NUP98: variants seen among roughly 807,000 people sequenced by gnomAD.
NUP98 encodes the protein nucleoporin 98 and 96 precursor.
Under a neutral mutation model 191.9 loss-of-function variants are expected in NUP98, and 26 were observed. The observed-to-expected ratio is 0.14, with a 90% CI of 0.10 to 0.19. The LOEUF is 0.19. Among genes scored for constraint, NUP98 ranks in the 10% least tolerant of loss-of-function variants. The probability of loss-of-function intolerance (pLI) is 1.00; values close to 1 mark genes in which losing one functional copy is unlikely to be tolerated. For synonymous variants in NUP98, 808 were observed against 778.4 expected (o/e 1.04, Z -0.63); for missense variants, 1,941 against 2,178.8 (o/e 0.89, Z 2.17).
At position 3,797,527 on chromosome 11, in the gene NUP98, G is replaced by A. The variant is rs776800889; in HGVS notation, c.-156C>T. ...CACCCCTGCCACCGACCGCCGCTTCGGGCGCAGCGCGCAGAGGGCCCGACT... is the reference window on the plus strand; with the variant it reads ...CACCCCTGCCACCGACCGCCGCTTCAGGCGCAGCGCGCAGAGGGCCCGACT... On this transcript the variant is annotated 5_prime_UTR_variant, in exon 1 of 33. Transcript: ENST00000324932. 11 of 439,902 alleles carry A rather than the reference G, an allele frequency of 2.5e-5. No individual in the cohort carries two copies. The highest frequency in any genetic ancestry group is 4.4e-5 in the Non-Finnish European group (11 of 250,270). 27.2% of individuals were successfully genotyped at this position (439,902 alleles called of 1,614,324 possible).
intron 12 of NUP98, among the ~76,000 whole-genome samples, chr11:3,737,825 C>T (rs1403147769): frequency 6.6e-6 from 1 of 151,764 alleles, no homozygotes; most frequent in East Asian, 1.9e-4. Context: ...CAGAGTAAAT[C>T]ATCTGTATTC....
intron 20 of NUP98, among the ~76,000 whole-genome samples, chr11:3,711,005 C>T (rs2079010420): frequency 6.6e-6 from 1 of 151,874 alleles, no homozygotes; most frequent in Non-Finnish European, 1.5e-5. Flanking sequence ...TTTGGGAGGC[C>T]AAGGTGGGAG....
chr11:3,775,116 A>G (rs1210571561), intron 5 of NUP98, among the ~76,000 whole-genome samples: 2 of 152,190 alleles, frequency 1.3e-5, no homozygotes, highest in Admixed American at 6.5e-5. Context: ...AAAAGAACAC[A>G]TACACAATAA....
chr11:3,705,195 T>C lies in NUP98; in HGVS notation c.3082+5A>G, dbSNP rs896441337. 11 of 1,613,912 alleles carry C rather than the reference T, an allele frequency of 6.8e-6. No homozygotes were observed. Among genetic ancestry groups the C allele is most frequent in the African/African-American group, 1.3e-5 (1 of 74,938 alleles). ...TCTTGTAAAATAGCATCTTTTATAC[T>C]GTACCTAGTGAACGAGTTTTCGACG... On this transcript the variant is annotated splice_donor_5th_base_variant and intron_variant, in intron 22 of 32. Transcript: ENST00000324932.
intron 16 of NUP98, 21 bp from the exon 17 acceptor site, chr11:3,720,846 AAAAC>A: frequency 5.2e-6 from 5 of 968,832 alleles, no homozygotes; most frequent in Non-Finnish European, 6.4e-6. Flanking sequence ...AAAAAAAAAA[AAAAC>A]AGAAAAAAAA....
intron 1 of NUP98, among the ~76,000 whole-genome samples, chr11:3,793,169 T>C (rs1294181127): frequency 3.9e-5 from 6 of 152,206 alleles, no homozygotes; most frequent in African/African-American, 1.4e-4. Flanking sequence ...TAGAATTATC[T>C]GAAAAGGCCA....
intron 12 of NUP98, among the ~76,000 whole-genome samples, chr11:3,735,765 G>C (rs1247198600): frequency 7.3e-6 from 1 of 136,636 alleles, no homozygotes; most frequent in Non-Finnish European, 1.7e-5. Context: ...GTGTGTGTGT[G>C]TGTGTGTGTG....
intron 5 of NUP98, 144 bp downstream of exon 5, chr11:3,775,738 C>G: frequency 1.5e-6 from 1 of 666,832 alleles, no homozygotes; most frequent in Non-Finnish European, 2.6e-6. Flanking sequence ...GTCTACTATA[C>G]AACTATTTAT....
chr11:3,770,532 T>C (rs933955996), intron 7 of NUP98, among the ~76,000 whole-genome samples: 10 of 147,852 alleles, frequency 6.8e-5, no homozygotes, highest in Non-Finnish European at 1.5e-4. Context: ...AAATATAACT[T>C]AGATAAATAC....
At position 3,695,478 on chromosome 11, in the gene NUP98, G is replaced by A. The variant is rs766379867; in HGVS notation, c.4138C>T (p.Arg1380Cys). The change falls in exon 26 of 33, where the codon CGC (arginine) becomes TGC (cysteine). Residue 1380 changes from arginine (R) to cysteine (C), a missense_variant. Physicochemically the swap from Arg to Cys is radical, Grantham distance 180. This residue lies in a region of NUP98 where 1,030 missense variants were observed against 1,115.8 expected (regional missense o/e 0.92). Transcript: ENST00000324932. ...TTTCCAGCCAACAGAGCAAAGATGC[G>A]CAGTCTCTCATCCTGGATGAAGGAG... ...ADSFIQDERLRIFALLAGKPV... is the reference protein window; with the variant it reads ...ADSFIQDERLCIFALLAGKPV... 9.5e-6 allele frequency: 15 copies of A among 1,585,294 alleles called. No individual in the cohort carries two copies. The highest frequency in any genetic ancestry group is 6.9e-5 in the South Asian group (6 of 86,588).
chr11:3,776,049 A>G (rs199730577), intron 4 of NUP98, 28 bp from the exon 5 acceptor site: 46 of 1,572,632 alleles, frequency 2.9e-5, no homozygotes, highest in African/African-American at 2.9e-4. Context: ...AAATGAGACG[A>G]TAACAGTAAG....
chr11:3,773,181 C>T (rs992947651), intron 6 of NUP98, among the ~76,000 whole-genome samples: 6 of 152,032 alleles, frequency 3.9e-5, no homozygotes, highest in Admixed American at 2.0e-4. Flanking sequence ...GAAGAAAAAT[C>T]GCTTGAGCTC....
rs1564874662 is a variant in NUP98 at position 3,744,547 on chromosome 11, G to A, written c.1370C>T (p.Thr457Ile). 1.9e-6 allele frequency: 3 copies of A among 1,613,748 alleles called. No individual in the cohort carries two copies. Among genetic ancestry groups the A allele is most frequent in the African/African-American group, 1.3e-5 (1 of 74,908 alleles). ...AFGAPGFNTTTATLGFGAPQA... is the reference protein window; with the variant it reads ...AFGAPGFNTTIATLGFGAPQA... ...GGGGGCTCCAAAGCCCAAAGTGGCT[G>A]TCGTAGTATTAAATCCAGGGGCCCC... is the stretch of plus-strand genomic sequence containing the variant. The change falls in exon 12 of 33, where the codon ACA (threonine) becomes ATA (isoleucine). Residue 457 changes from threonine (T) to isoleucine (I), a missense_variant. Around this residue, in one of 6 missense-constraint regions of NUP98, gnomAD observed 453 missense variants for 438.2 expected, o/e 1.03. Coordinates refer to ENST00000324932, the MANE Select transcript of NUP98 (RefSeq NM_016320.5).
intron 10 of NUP98, among the ~76,000 whole-genome samples, chr11:3,756,858 T>G (rs1302465607): frequency 6.9e-6 from 1 of 144,226 alleles, no homozygotes; most frequent in African/African-American, 2.6e-5. Context: ...GAGGCCGAGG[T>G]GAGCGGATCA....
chr11:3,703,873 G>A (rs1400688544), intron 22 of NUP98, among the ~76,000 whole-genome samples: 1 of 151,822 alleles, frequency 6.6e-6, no homozygotes, highest in African/African-American at 2.4e-5. Context: ...GCTATTATAG[G>A]GATGGAGTCT....
intron 10 of NUP98, among the ~76,000 whole-genome samples, chr11:3,756,368 C>T (rs1022675008): frequency 2.0e-5 from 3 of 152,106 alleles, no homozygotes; most frequent in Non-Finnish European, 4.4e-5. Context: ...AATTCAAATT[C>T]GGCACACAAG....
intron 28 of NUP98, among the ~76,000 whole-genome samples, chr11:3,688,975 T>C (rs11029045): frequency 0.093 from 14,085 of 151,786 alleles, 849 homozygotes; most frequent in Non-Finnish European, 0.14. Context: ...GGCTGACACC[T>C]GTAATCCCAG....
chr11:3,760,161 G>A (rs915008723), intron 10 of NUP98: 13 of 173,612 alleles, frequency 7.5e-5, no homozygotes, highest in African/African-American at 2.2e-4. Context: ...AACCAACAAC[G>A]ACAAAAATAA....
At chr11:3,776,234 G>GCC (rs2081724505) in intron 4 of NUP98, among the ~76,000 whole-genome samples, 1 of 149,346 alleles carries the variant, frequency 6.7e-6, no homozygotes, top group Non-Finnish European at 1.5e-5. Flanking sequence ...CAATACTCCT[G>GCC]CCTCAGCCTC....
Sources: gnomAD v4.1 joint callset for allele counts (sites outside exome capture counted in the v4.1 genomes callset) on GRCh38, gnomAD v4.1.1 for gene constraint, gnomAD v4.1.1 regional missense constraint, MANE v1.5 for transcripts, NCBI Gene and HGNC (gene_info 2026-07-23, HGNC 2026-07-21) for gene names.